PPP1R21: variants seen among roughly 807,000 people sequenced by gnomAD.
PPP1R21 encodes KLRAQ motif containing 1.
PPP1R21 carries 85 observed loss-of-function variants against 112.8 expected under a neutral mutation model. The ratio of observed to expected loss-of-function variants is 0.75; its 90% CI spans 0.63 to 0.90. The LOEUF (loss-of-function observed/expected upper bound fraction) is 0.90. Among genes scored for constraint, PPP1R21 ranks in the 40% least tolerant of loss-of-function variants. The pLI, the probability that PPP1R21 is intolerant of heterozygous loss-of-function variation, is 0.00. For synonymous variants in PPP1R21, 381 were observed against 322.3 expected, an observed-to-expected ratio of 1.18 and a Z score of -1.95; for missense variants, 1,199 against 901.5, an observed-to-expected ratio of 1.33 and a Z score of -4.23.
intron 17 of PPP1R21, among the ~76,000 whole-genome samples, chr2:48,503,095 G>T (rs1050030800): frequency 2.6e-5 from 4 of 152,224 alleles, no homozygotes; most frequent in Admixed American, 6.5e-5. Flanking sequence ...TATAAAAAAA[G>T]ATAGCAATAG....
At chr2:48,482,666 G>A (rs1412780628) in intron 13 of PPP1R21, among the ~76,000 whole-genome samples, 1 of 143,958 alleles carries the variant, frequency 6.9e-6, no homozygotes, top group East Asian at 2.0e-4. Context: ...TTTTTTTTAG[G>A]ATGTCTACTT....
Position 48,507,668 on chromosome 2 carries a change from G to A in PPP1R21, c.2085+283G>A, listed in dbSNP as rs180878861. ...AGGTGTGAGCCACCTCGCCTGGCCC[G>A]GAGTTCATATTGACTAGTCTGTATA... is the stretch of plus-strand genomic sequence containing the variant. On this transcript the variant is annotated intron_variant, in intron 19 of 21. Coordinates refer to ENST00000294952, the MANE Select transcript of PPP1R21 (RefSeq NM_001135629.3). 1.0e-3 allele frequency among the ~76,000 whole-genome samples: 156 copies of A among 148,858 alleles called. 1 individual carries two copies. Among genetic ancestry groups the A allele is most frequent in the Middle Eastern group, 3.6e-3 (1 of 276 alleles).
At chr2:48,508,101 C>T (rs1417557196) in intron 19 of PPP1R21, among the ~76,000 whole-genome samples, 1 of 151,122 alleles carries the variant, frequency 6.6e-6, no homozygotes, top group African/African-American at 2.4e-5. Flanking sequence ...AAAGTTATTG[C>T]ACTATGCAGT....
intron 1 of PPP1R21, among the ~76,000 whole-genome samples, chr2:48,442,236 G>C (rs557912957): frequency 6.6e-6 from 1 of 152,338 alleles, no homozygotes; most frequent in Admixed American, 6.5e-5. Context: ...GGTTGGCAAT[G>C]CTCAAATTTG....
intron 12 of PPP1R21, among the ~76,000 whole-genome samples, chr2:48,478,465 C>T (rs1486989415): frequency 1.3e-5 from 2 of 152,330 alleles, no homozygotes; most frequent in Non-Finnish European, 2.9e-5. Flanking sequence ...CCTGAGATGA[C>T]GATGGTGGCA....
chr2:48,460,911 A>G (rs1002848974), intron 6 of PPP1R21, among the ~76,000 whole-genome samples: 2 of 152,234 alleles, frequency 1.3e-5, no homozygotes, highest in Admixed American at 6.5e-5. Flanking sequence ...TCGTACCATG[A>G]TAAATTCCTC....
At chr2:48,481,923 A>G (rs191148502) in intron 13 of PPP1R21, among the ~76,000 whole-genome samples, 22 of 152,354 alleles carry the variant, frequency 1.4e-4, no homozygotes, top group Admixed American at 4.6e-4. Flanking sequence ...CAAAATTATT[A>G]AAAGTATCGT....
chr2:48,491,458 C>A (rs1669560149), intron 15 of PPP1R21, among the ~76,000 whole-genome samples: 1 of 151,530 alleles, frequency 6.6e-6, no homozygotes, highest in Non-Finnish European at 1.5e-5. Context: ...TATTGAACTT[C>A]AGAGACTCTT....
At chr2:48,473,518 G>A (rs1026860276) in intron 11 of PPP1R21, among the ~76,000 whole-genome samples, 2 of 152,152 alleles carry the variant, frequency 1.3e-5, no homozygotes, top group African/African-American at 4.8e-5. Flanking sequence ...GGAATGTTCT[G>A]TCCCATATGC....
rs543037903 is a variant in PPP1R21 at position 48,507,336 on chromosome 2, C to T, written c.2036C>T (p.Thr679Met). 3.8e-5 allele frequency: 60 copies of T among 1,594,742 alleles called. No homozygotes were observed. Among genetic ancestry groups the T allele is most frequent in the African/African-American group, 5.4e-5 (4 of 73,572 alleles). Reference protein sequence around the residue: ...NHYMARIVELTSQLQLADSKS... With the variant: ...NHYMARIVELMSQLQLADSKS... ...TACATGGCAAGGATAGTGGAACTTA[C>T]GTCTCAGTTGCAGCTGGCTGACAGT... Residue 679 changes from threonine to methionine, a missense_variant, in exon 19 of 22, where the codon ACG (threonine) becomes ATG (methionine). Physicochemically the swap from Thr to Met is moderately conservative, Grantham distance 81. Coordinates refer to ENST00000294952, the MANE Select transcript of PPP1R21 (RefSeq NM_001135629.3).
intron 9 of PPP1R21, among the ~76,000 whole-genome samples, chr2:48,470,189 C>A (rs1340679425): frequency 6.6e-6 from 1 of 151,928 alleles, no homozygotes; most frequent in Non-Finnish European, 1.5e-5. Context: ...CTGAATTAGT[C>A]CCTTGTAAAT....
chr2:48,497,310 T>TA (rs1193136489), intron 16 of PPP1R21, among the ~76,000 whole-genome samples: 1 of 152,214 alleles, frequency 6.6e-6, no homozygotes, highest in African/African-American at 2.4e-5. Context: ...TATTGATTGT[T>TA]AAAGTGTGAG....
intron 14 of PPP1R21, among the ~76,000 whole-genome samples, 157 bp downstream of exon 14, chr2:48,486,915 T>C (rs1669327893): frequency 6.6e-6 from 1 of 152,242 alleles, no homozygotes; most frequent in East Asian, 1.9e-4. Flanking sequence ...ACCCAGTATG[T>C]ACTCTGACTT....
At chr2:48,466,195 A>T (rs1668194995) in intron 9 of PPP1R21, among the ~76,000 whole-genome samples, 1 of 151,072 alleles carries the variant, frequency 6.6e-6, no homozygotes, top group African/African-American at 2.4e-5. Context: ...ATAGAACCAA[A>T]CCATATCAGG....
At chr2:48,495,257 G>A (rs1490698356) in intron 15 of PPP1R21, among the ~76,000 whole-genome samples, 1 of 151,904 alleles carries the variant, frequency 6.6e-6, no homozygotes, top group Non-Finnish European at 1.5e-5. Flanking sequence ...AGGCTAGAGT[G>A]CAATGGCACA....
At chr2:48,469,435 TATATATATAGAGAGAGC>T (rs1413761912) in intron 9 of PPP1R21, among the ~76,000 whole-genome samples, 9 of 95,284 alleles carry the variant, frequency 9.4e-5, no homozygotes, top group East Asian at 2.3e-4. Flanking sequence ...ATAGAGCATA[TATATATATAGAGAGAGC>T]ATATATATAT....
intron 1 of PPP1R21, among the ~76,000 whole-genome samples, chr2:48,443,152 A>T (rs992508233): frequency 1.3e-5 from 2 of 152,180 alleles, no homozygotes; most frequent in African/African-American, 4.8e-5. Context: ...GGCACTAACC[A>T]AACATACAAG....
intron 3 of PPP1R21, among the ~76,000 whole-genome samples, chr2:48,455,442 C>T (rs1667678735): frequency 2.0e-5 from 3 of 151,882 alleles, no homozygotes. Flanking sequence ...CGTGCCTGGC[C>T]CCGGCCCTGA....
chr2:48,460,588 G>A (rs545603250), intron 6 of PPP1R21, among the ~76,000 whole-genome samples: 1 of 152,234 alleles, frequency 6.6e-6, no homozygotes, highest in Non-Finnish European at 1.5e-5. Flanking sequence ...CATGGTAAAG[G>A]TGTACTCCAA....
Sources: allele counts gnomAD v4.1 joint callset (sites outside exome capture counted in the v4.1 genomes callset), GRCh38; gene constraint gnomAD v4.1.1; transcripts MANE v1.5; gene names NCBI Gene and HGNC (gene_info 2026-07-23, HGNC 2026-07-21).